Variants in MAP7D3 observed in about 807,000 individuals in gnomAD.
MAP7D3 encodes MAP7 domain containing 3, also known as MAP7 domain-containing protein 3.
Under a neutral mutation model 62.2 loss-of-function variants are expected in MAP7D3, and 45 were observed. That is an observed-to-expected ratio of 0.72 (90% confidence interval 0.57 to 0.93). The LOEUF (loss-of-function observed/expected upper bound fraction) is 0.93. MAP7D3 is among the 40% of genes least tolerant of loss of function. The pLI, the probability that MAP7D3 is intolerant of heterozygous loss-of-function variation, is 0.00. For missense variants in MAP7D3, 711 were observed against 683.1 expected (o/e 1.04, Z -0.45); for synonymous variants, 288 against 248.8 (o/e 1.16, Z -1.48).
chrX:136,256,205 G>C, upstream of MAP7D3: 1 of 1,138,430 alleles, frequency 8.8e-7, no homozygotes, highest in African/African-American at 1.8e-5. Flanking sequence ...CCCGGGAAGA[G>C]TGATGTTTCC....
chrX:136,229,997 T>A lies in MAP7D3; in HGVS notation c.1750+388A>T, dbSNP rs868030230. 5.1e-3 allele frequency among the ~76,000 whole-genome samples: 469 copies of A among 91,314 alleles called. 1 individual carries two copies. The highest frequency in any genetic ancestry group is 0.018 in the African/African-American group (437 of 24,097). The allele number at this position is 91,314 out of a possible 115,157, so 79.3% of individuals were successfully genotyped here. On this transcript the variant is annotated intron_variant, in intron 10 of 18. Transcript: ENST00000316077. The stretch of plus-strand genomic sequence containing the variant: ...TATATATATATATATATATATATTT[T>A]TTTTTTTTTTGTAGAAACAGGGGTC...
chrX:136,254,881 TAAAAAC>T (rs1407893090), upstream of MAP7D3, among the ~76,000 whole-genome samples: 4 of 104,551 alleles, frequency 3.8e-5, no homozygotes, highest in African/African-American at 1.0e-4. Context: ...ACATTAAAAG[TAAAAAC>T]AAAAACAAAA....
Position 136,240,392 on chromosome X carries a change from G to T in MAP7D3, c.630C>A (p.Ser210=). ...MPLSSAGLQN[S]VAKRKTDKER... is the part of the protein sequence containing the mutation. ...GAAATAACTACTTACTTTTGGCAAC[G>T]GAATTTTGAAGGCCTGCAGATGACA... Residue 210 remains serine, a synonymous_variant, in exon 6 of 19, where the codon TCC becomes TCA. Transcript: ENST00000316077. 1 of 1,187,382 alleles carries T rather than the reference G, an allele frequency of 8.4e-7. No homozygotes were observed. The highest frequency in any genetic ancestry group is 1.1e-6 in the Non-Finnish European group (1 of 874,483).
chrX:136,230,181 G>C (rs888075677), intron 10 of MAP7D3, among the ~76,000 whole-genome samples: 5 of 108,170 alleles, frequency 4.6e-5, no homozygotes, highest in African/African-American at 1.7e-4. Flanking sequence ...CAAAACAAAG[G>C]GGTGAGAAGA....
chrX:136,250,818 G>A lies in MAP7D3; in HGVS notation c.70+471C>T, dbSNP rs1296265067. Among the ~76,000 whole-genome samples the A allele has an allele frequency of 2.7e-5, 3 of 111,887 alleles. No individual in the cohort carries two copies. In the South Asian group the frequency reaches 1.1e-3, roughly 41 times the overall value. On this transcript the variant is annotated intron_variant, in intron 1 of 18. Transcript: ENST00000316077. The stretch of plus-strand genomic sequence containing the variant: ...CCGTGCCTGGAAAGGCTGCCTGGCG[G>A]CGGAGGCGGCGCCGGCGCGCGGAGT...
intron 8 of MAP7D3, 50 bp from the exon 9 acceptor site, chrX:136,231,016 C>T: frequency 1.1e-6 from 1 of 945,248 alleles, no homozygotes; most frequent in Non-Finnish European, 1.4e-6. Context: ...AATTCTTTTA[C>T]TGCAGCTGGC....
At chrX:136,251,865 G>T (rs919269569), upstream of MAP7D3, among the ~76,000 whole-genome samples, 3 of 111,587 alleles carry the variant, frequency 2.7e-5, no homozygotes, top group Non-Finnish European at 3.8e-5. Flanking sequence ...GCTTTGAGGT[G>T]CTAGGGGCCC....
Position 136,244,776 on chromosome X carries a change from T to C in MAP7D3, c.273A>G (p.Leu91=). 8.4e-7 allele frequency: 1 copy of C among 1,192,422 alleles called. No homozygotes were observed. Among genetic ancestry groups the C allele is most frequent in the African/African-American group, 1.8e-5 (1 of 56,954 alleles). ...RQQDANKETQ[L]LEKERKTKLQ... is the part of the protein sequence containing the mutation. ...GCTTGGTCTTTCTTTCTTTTTCAAG[T>C]AGTTGTGTTTCTTTATTGGCTGAAA... Residue 91 remains leucine, a synonymous_variant, in exon 4 of 19, where the codon CTA becomes CTG. Transcript: ENST00000316077.
Position 136,230,883 on chromosome X carries a change from T to C in MAP7D3, c.1497A>G (p.Ser499=). The change falls in exon 9 of 19, where the codon TCA becomes TCG. Residue 499 remains serine, a synonymous_variant. Coordinates refer to ENST00000316077, the MANE Select transcript of MAP7D3 (RefSeq NM_024597.4). ...GCAGACCACAAGCATTTTCAGGAGA[T>C]GATGACCATTTATAACACTCAGTGT... ...SSYTECYKWS[S]SPENACGLPS... is the part of the protein sequence containing the mutation. 8.3e-7 allele frequency: 1 copy of C among 1,204,699 alleles called. No individual in the cohort carries two copies. Among genetic ancestry groups the C allele is most frequent in the Non-Finnish European group, 1.1e-6 (1 of 889,372 alleles).
chrX:136,218,065 A>C lies in MAP7D3; in HGVS notation c.*461T>G, dbSNP rs1397052428. 1 of 110,203 alleles carries C rather than the reference A, an allele frequency of 9.1e-6. No homozygotes were observed. Among genetic ancestry groups the C allele is most frequent in the Non-Finnish European group, 1.9e-5 (1 of 52,734 alleles). The allele number at this position is 110,203 out of a possible 1,213,427, so 9.1% of individuals were successfully genotyped here. A position where few individuals can be genotyped will look rare whatever the true frequency, so the allele number is the denominator to read the frequency against. ...GCAAGACTCCGTCTCAAAAAAAAAAAAAAGAAAAAGAAAAAGAAAAAGCAT... is the reference window on the plus strand; with the variant it reads ...GCAAGACTCCGTCTCAAAAAAAAAACAAAGAAAAAGAAAAAGAAAAAGCAT... On this transcript the variant is annotated 3_prime_UTR_variant, in exon 19 of 19. Coordinates refer to ENST00000316077, the MANE Select transcript of MAP7D3 (RefSeq NM_024597.4).
At position 136,231,863 on chromosome X, in the gene MAP7D3, C is replaced by T; in HGVS notation, c.1094G>A (p.Ser365Asn). ...GTCCACCTTCGGGAGTGCTTCTATGCTCAACTCGGGGGATGCGTCCATGCT... is the reference window on the plus strand; with the variant it reads ...GTCCACCTTCGGGAGTGCTTCTATGTTCAACTCGGGGGATGCGTCCATGCT... ...EMSMDASPEL[S>N]IEALPKVDLE... Residue 365 changes from serine to asparagine, a missense_variant, in exon 8 of 19, where the codon AGC (serine) becomes AAC (asparagine). By Grantham distance (46) the Ser-to-Asn change is conservative. Coordinates refer to ENST00000316077, the MANE Select transcript of MAP7D3 (RefSeq NM_024597.4). 1 of 1,211,696 alleles carries T rather than the reference C, an allele frequency of 8.3e-7. No individual in the cohort carries two copies. The highest frequency in any genetic ancestry group is 1.1e-6 in the Non-Finnish European group (1 of 895,469).
At chrX:136,246,437 G>A (rs1454595144) in intron 1 of MAP7D3, 96 bp from the exon 2 acceptor site, 33 of 541,703 alleles carry the variant, frequency 6.1e-5, no homozygotes, top group Middle Eastern at 6.8e-4. Flanking sequence ...GATGATAAAG[G>A]ATAGGATCAC....
In MAP7D3 at chrX:136,224,842, A is replaced by G; in HGVS notation, c.2178T>C (p.Asp726=). 1 of 1,181,313 alleles carries G rather than the reference A, an allele frequency of 8.5e-7. No individual in the cohort carries two copies. Among genetic ancestry groups the G allele is most frequent in the Non-Finnish European group, 1.2e-6 (1 of 867,633 alleles). The stretch of plus-strand genomic sequence containing the variant: ...TGGAGACTACCTTTGAGGCATTCAC[A>G]TCTGTCTTTCTTGTCCGCTTCATAA... ...EEIMKRTRKT[D]VNASKVTETS... Residue 726 remains aspartate (D), a synonymous_variant, in exon 14 of 19, where the codon GAT becomes GAC. Transcript: ENST00000316077.
chrX:136,250,825 C>T (rs2074496966), intron 1 of MAP7D3, among the ~76,000 whole-genome samples: 1 of 111,774 alleles, frequency 8.9e-6, no homozygotes, highest in African/African-American at 3.2e-5. Flanking sequence ...GCGGCGGAGG[C>T]GGCGCCGGCG....
rs148401412 is a variant in MAP7D3, at chrX:136,246,699, T to C, written c.71-358A>G. On this transcript the variant is annotated intron_variant, in intron 1 of 18. Coordinates refer to ENST00000316077, the MANE Select transcript of MAP7D3 (RefSeq NM_024597.4). Reference sequence around the variant, plus strand: ...ACACCAAGTGTTAGAAATACTGAGCTGGCGAGGAATTGGGAAAATTAAGTT... The same window carrying C: ...ACACCAAGTGTTAGAAATACTGAGCCGGCGAGGAATTGGGAAAATTAAGTT... Among the ~76,000 whole-genome samples the C allele has an allele frequency of 2.3e-3, 255 of 112,053 alleles. 2 individuals carry two copies. The highest frequency in any genetic ancestry group is 7.8e-3 in the African/African-American group (241 of 30,834).
chrX:136,249,640 T>C (rs1360828533), intron 1 of MAP7D3, among the ~76,000 whole-genome samples: 2 of 112,345 alleles, frequency 1.8e-5, no homozygotes, highest in Non-Finnish European at 3.8e-5. Flanking sequence ...TTATATGTTA[T>C]GTATTCAAGA....
At position 136,219,578 on chromosome X, in the gene MAP7D3, A is replaced by G. The variant is rs765325641; in HGVS notation, c.2565+15T>C. ...TCTTGTCACAGATACGCTGCTGCTC[A>G]TAATTCATACTAACAGAGGATCTGC... On this transcript the variant is annotated intron_variant, in intron 17 of 18. Coordinates refer to ENST00000316077, the MANE Select transcript of MAP7D3 (RefSeq NM_024597.4). The G allele has an allele frequency of 3.4e-6, 4 of 1,191,667 alleles. No homozygotes were observed. In the Admixed American group the frequency reaches 8.7e-5, roughly 26 times the overall value.
chrX:136,251,156 A>G (rs2074504126), intron 1 of MAP7D3, 133 bp downstream of exon 1: 7 of 477,509 alleles, frequency 1.5e-5, no homozygotes, highest in South Asian at 3.5e-5. Context: ...TGAGGGGAGG[A>G]CCAGATAGCA....
chrX:136,239,245 A>G lies in MAP7D3; in HGVS notation c.640+1137T>C, dbSNP rs368182296. ...TGGTTATTGACACACACTTGGGTAT[A>G]GATTTTTCTTTTAATAAGGAACACT... On this transcript the variant is annotated intron_variant, in intron 6 of 18. Coordinates refer to ENST00000316077, the MANE Select transcript of MAP7D3 (RefSeq NM_024597.4). Among the ~76,000 whole-genome samples the G allele has an allele frequency of 6.8e-4, 76 of 112,325 alleles. 2 individuals are homozygous for G. Among genetic ancestry groups the G allele is most frequent in the East Asian group, 5.5e-3 (20 of 3,616 alleles).
Sources: gnomAD v4.1 joint callset for allele counts (sites outside exome capture counted in the v4.1 genomes callset) on GRCh38, gnomAD v4.1.1 for gene constraint, MANE v1.5 for transcripts, NCBI Gene and HGNC (gene_info 2026-07-23, HGNC 2026-07-21) for gene names.